The following ADAMTSL1 variants were observed in gnomAD, a reference collection of about 807,000 sequenced individuals.
The protein encoded by ADAMTSL1 is ADAMTS-like protein 1.
Under a neutral mutation model 201.8 loss-of-function variants are expected in ADAMTSL1, and 126 were observed. The ratio of observed to expected loss-of-function variants is 0.62; its 90% confidence interval spans 0.54 to 0.72. ADAMTSL1 has a LOEUF of 0.72. ADAMTSL1 is among the 30% of genes least tolerant of loss of function. ADAMTSL1 has a pLI of 0.00. For synonymous variants in ADAMTSL1, 1,121 were observed against 903.4 expected (o/e 1.24, Z -4.32); for missense variants, 2,679 against 2,277.8 (o/e 1.18, Z -3.59).
intron 1 of ADAMTSL1, among the ~76,000 whole-genome samples, chr9:18,009,214 C>T (rs1161153366): frequency 6.6e-6 from 1 of 152,030 alleles, no homozygotes; most frequent in Non-Finnish European, 1.5e-5. Flanking sequence ...TCTTCCTCTT[C>T]TTCCCTTCAT....
chr9:18,177,094 G>C (rs1170562718), intron 2 of ADAMTSL1, among the ~76,000 whole-genome samples: 1 of 152,134 alleles, frequency 6.6e-6, no homozygotes, highest in African/African-American at 2.4e-5. Flanking sequence ...ATGGCTTCCT[G>C]ACTCCATTTA....
intron 1 of ADAMTSL1, among the ~76,000 whole-genome samples, chr9:17,972,051 A>G (rs1818224521): frequency 6.6e-6 from 1 of 151,936 alleles, no homozygotes; most frequent in African/African-American, 2.4e-5. Flanking sequence ...TTGTAAAATG[A>G]TTACCACTAT....
intron 13 of ADAMTSL1, among the ~76,000 whole-genome samples, chr9:18,700,691 G>A (rs560806251): frequency 7.9e-5 from 12 of 152,178 alleles, no homozygotes; most frequent in Non-Finnish European, 1.6e-4. Context: ...AGTAAAGTAT[G>A]TAAATTTTTT....
rs1215741573 is a variant in ADAMTSL1, at chr9:18,669,518, A to C, written c.1086-6339A>C. Among the ~76,000 whole-genome samples, 5 of 152,262 alleles carry C rather than the reference A, an allele frequency of 3.3e-5. No individual in the cohort carries two copies. The East Asian group carries it at 9.6e-4, about 29-fold the overall frequency. On this transcript the variant is annotated intron_variant, in intron 9 of 28. Transcript: ENST00000380548. ...TCTGATTTCGGTGGAAGCCCAGATA[A>C]ATGAATGTTGCTGCTTAGTTTATGG...
intron 2 of ADAMTSL1, among the ~76,000 whole-genome samples, chr9:18,196,633 C>CTAT (rs1829194658): frequency 6.6e-6 from 1 of 152,064 alleles, no homozygotes; most frequent in Non-Finnish European, 1.5e-5. Context: ...ACCCGATCAT[C>CTAT]TATACTCAAC....
At chr9:18,656,522 G>A (rs1258077476) in intron 7 of ADAMTSL1, among the ~76,000 whole-genome samples, 4 of 151,666 alleles carry the variant, frequency 2.6e-5, no homozygotes, top group South Asian at 2.1e-4. Flanking sequence ...CCAGCTACTC[G>A]GGAGGCTGAG....
chr9:18,577,976 T>G (rs150090523), intron 4 of ADAMTSL1, among the ~76,000 whole-genome samples: 14 of 142,618 alleles, frequency 9.8e-5, no homozygotes, highest in Admixed American at 4.6e-4. Context: ...TTACTGCCCT[T>G]TACTTTTCTC....
At chr9:18,781,588 C>A (rs1821399390) in intron 19 of ADAMTSL1, among the ~76,000 whole-genome samples, 1 of 152,180 alleles carries the variant, frequency 6.6e-6, no homozygotes, top group African/African-American at 2.4e-5. Flanking sequence ...TGTTGGTGAC[C>A]TTTCCTGTGT....
At chr9:18,537,818 G>A (rs1318058454) in intron 3 of ADAMTSL1, among the ~76,000 whole-genome samples, 1 of 150,562 alleles carries the variant, frequency 6.6e-6, no homozygotes, top group Non-Finnish European at 1.5e-5. Flanking sequence ...AAGTTGCAGT[G>A]AGCCTTGTTT....
At chr9:18,633,946 A>T (rs2132756998) in intron 5 of ADAMTSL1, among the ~76,000 whole-genome samples, 1 of 152,178 alleles carries the variant, frequency 6.6e-6, no homozygotes, top group East Asian at 1.9e-4. Context: ...CCTTTAAGAG[A>T]TTTGGGGTAG....
rs1460069855 is a variant in ADAMTSL1, at chr9:18,826,312, C to A, written c.3963C>A (p.Phe1321Leu). The A allele has an allele frequency of 9.3e-6, 15 of 1,611,788 alleles. No individual in the cohort carries two copies. The highest frequency in any genetic ancestry group is 1.3e-5 in the Non-Finnish European group (15 of 1,179,364). ...TGCCTGAAGCTGAAGTCACTTGGTT[C>A]AGGAATAAAAGCAAACTGGGCTCCC... ...AGVPEAEVTW[F>L]RNKSKLGSPH... Residue 1321 changes from phenylalanine (F) to leucine (L), a missense_variant, in exon 22 of 29, where the codon TTC becomes TTA. By Grantham distance (22) the Phe-to-Leu change is conservative. Coordinates refer to ENST00000380548, the MANE Select transcript of ADAMTSL1 (RefSeq NM_001040272.6).
At chr9:18,119,935 C>T (rs554131460) in intron 1 of ADAMTSL1, among the ~76,000 whole-genome samples, 2 of 152,314 alleles carry the variant, frequency 1.3e-5, no homozygotes, top group East Asian at 3.9e-4. Context: ...TCTAGGAACA[C>T]ACCACTTTTC....
intron 4 of ADAMTSL1, among the ~76,000 whole-genome samples, chr9:18,606,016 T>A (rs988654687): frequency 6.6e-6 from 1 of 152,086 alleles, no homozygotes. Context: ...AAACCAAAAG[T>A]TCACATTGGG....
chr9:18,563,612 A>G (rs1821681712), intron 3 of ADAMTSL1, among the ~76,000 whole-genome samples: 1 of 152,190 alleles, frequency 6.6e-6, no homozygotes, highest in Non-Finnish European at 1.5e-5. Flanking sequence ...CCGCACCCAC[A>G]GCCTCCCCTT....
At chr9:18,235,742 T>G (rs965118860) in intron 2 of ADAMTSL1, among the ~76,000 whole-genome samples, 2 of 152,154 alleles carry the variant, frequency 1.3e-5, no homozygotes, top group African/African-American at 4.8e-5. Flanking sequence ...GCAGGAGTGG[T>G]GCTGACCCCT....
intron 13 of ADAMTSL1, among the ~76,000 whole-genome samples, chr9:18,698,720 A>G (rs1466542275): frequency 2.6e-5 from 4 of 152,238 alleles, no homozygotes; most frequent in Non-Finnish European, 4.4e-5. Flanking sequence ...AAGTATTTCA[A>G]GAAGAAGTAC....
intron 1 of ADAMTSL1, among the ~76,000 whole-genome samples, chr9:17,932,417 C>A (rs928480419): frequency 1.3e-5 from 2 of 152,008 alleles, no homozygotes; most frequent in African/African-American, 4.8e-5. Flanking sequence ...ATTGAATTTG[C>A]CATTGAGTGG....
intron 1 of ADAMTSL1, among the ~76,000 whole-genome samples, chr9:18,498,223 G>A (rs1398212684): frequency 6.6e-6 from 1 of 151,890 alleles, no homozygotes; most frequent in African/African-American, 2.4e-5. Context: ...GGGGGTGGGG[G>A]CAGGGAGTGA....
At chr9:18,054,460 C>T (rs1231219938) in intron 1 of ADAMTSL1, among the ~76,000 whole-genome samples, 2 of 152,144 alleles carry the variant, frequency 1.3e-5, no homozygotes, top group Non-Finnish European at 2.9e-5. Context: ...CAAAGTTTGG[C>T]CCAGTTTCTG....
Sources: gnomAD v4.1 joint callset for allele counts (sites outside exome capture counted in the v4.1 genomes callset) on GRCh38, gnomAD v4.1.1 for gene constraint, MANE v1.5 for transcripts, NCBI Gene and HGNC (gene_info 2026-07-23, HGNC 2026-07-21) for gene names.